Variants in PPFIA4 observed in about 807,000 individuals in gnomAD.
The protein encoded by PPFIA4 is PPFI scaffold protein A4.
A neutral mutation model predicts 145.7 loss-of-function variants in PPFIA4; 98 were observed. That is an observed-to-expected ratio of 0.67 (90% CI 0.57 to 0.80). PPFIA4 has a LOEUF of 0.80. Among genes scored for constraint, PPFIA4 ranks in the 30% least tolerant of loss-of-function variants. The pLI is 0.00. For synonymous variants in PPFIA4, 628 were observed against 649.6 expected, an observed-to-expected ratio of 0.97 and a Z score of 0.51; for missense variants, 1,457 against 1,632.7, an observed-to-expected ratio of 0.89 and a Z score of 1.85.
chr1:203,036,598 G>T (rs782801), intron 1 of PPFIA4, among the ~76,000 whole-genome samples: 2 of 152,016 alleles, frequency 1.3e-5, no homozygotes, highest in African/African-American at 4.8e-5. Flanking sequence ...GATGAGCTTG[G>T]GGGGGTAGGC....
chr1:203,073,698 G>T (rs1200798434), intron 28 of PPFIA4, among the ~76,000 whole-genome samples: 3 of 152,176 alleles, frequency 2.0e-5, no homozygotes, highest in Non-Finnish European at 4.4e-5. Context: ...GGACTCAAGG[G>T]AAATAAGGAA....
chr1:203,072,691 T>C (rs1317489890), intron 28 of PPFIA4, among the ~76,000 whole-genome samples: 1 of 152,138 alleles, frequency 6.6e-6, no homozygotes, highest in Non-Finnish European at 1.5e-5. Context: ...TGTTTCTTAG[T>C]AGGGTTTAAC....
In PPFIA4 at chr1:203,060,176, G is replaced by C; in HGVS notation, c.2584-41G>C. Reference sequence around the variant, plus strand: ...CTGTTGCCAAACTCTTGGTGGTAGGGCCCAGGCCTTGAATTACCTCCCTGT... The same window carrying C: ...CTGTTGCCAAACTCTTGGTGGTAGGCCCCAGGCCTTGAATTACCTCCCTGT... On this transcript the variant is annotated intron_variant, in intron 21 of 29. Transcript: ENST00000295706. This position sits in a 1 kb window ranked among gnomAD's most constrained non-coding sequence, Gnocchi z 4.8. 1 of 1,601,202 alleles carries C rather than the reference G, an allele frequency of 6.2e-7. No individual in the cohort carries two copies. The highest frequency in any genetic ancestry group is 8.5e-7 in the Non-Finnish European group (1 of 1,172,756).
rs1195564115 is a variant in PPFIA4, at chr1:203,048,573, G to A, written c.1225-10G>A. On this transcript the variant is annotated splice_polypyrimidine_tract_variant and intron_variant, in intron 10 of 29. Transcript: ENST00000295706. The surrounding 1 kb of genome is among the most constrained non-coding windows in gnomAD (Gnocchi z 5.8). Reference sequence around the variant, plus strand: ...GAGGGCGGCCTGGTGCGAGGCAGACGGCTGTGCAGGTGCGCCAGCGGGAAA... The same window carrying A: ...GAGGGCGGCCTGGTGCGAGGCAGACAGCTGTGCAGGTGCGCCAGCGGGAAA... The A allele has an allele frequency of 6.4e-7, 1 of 1,572,640 alleles. No individual in the cohort carries two copies. Among genetic ancestry groups the A allele is most frequent in the Non-Finnish European group, 8.6e-7 (1 of 1,160,248 alleles).
Position 203,075,552 on chromosome 1 carries a change from G to C in PPFIA4, c.3394-25G>C. The C allele has an allele frequency of 7.3e-7, 1 of 1,374,864 alleles. No individual in the cohort carries two copies. The highest frequency in any genetic ancestry group is 9.5e-7 in the Non-Finnish European group (1 of 1,056,596). 85.2% of individuals were successfully genotyped at this position (1,374,864 alleles called of 1,614,324 possible). A position where few individuals can be genotyped will look rare whatever the true frequency, so the allele number is the denominator to read the frequency against. The stretch of plus-strand genomic sequence containing the variant: ...ATGGCAATTCCAACAGGGCCCTCGG[G>C]CCTCTGGTGTCCCCCATGGTGCAGG... On this transcript the variant is annotated intron_variant, in intron 28 of 29. Coordinates refer to ENST00000295706, the MANE Select transcript of PPFIA4 (RefSeq NM_001304331.2). This position sits in a 1 kb window ranked among gnomAD's most constrained non-coding sequence, Gnocchi z 4.1.
intron 1 of PPFIA4, among the ~76,000 whole-genome samples, chr1:203,028,146 G>T (rs571071991): frequency 3.1e-4 from 47 of 152,306 alleles, no homozygotes; most frequent in Middle Eastern, 3.4e-3. Flanking sequence ...GCCATCTCTG[G>T]AAGATGGAAT....
Position 203,055,555 on chromosome 1 carries a change from C to T in PPFIA4, c.1953C>T (p.Thr651=), listed in dbSNP as rs1660878241. The stretch of plus-strand genomic sequence containing the variant: ...TGCGCAAGCGTGGTTCCATCCCCAC[C>T]TCTCTGACGGCCCTGTCCCTGGCCA... ...KQLRKRGSIP[T]SLTALSLASA... is the part of the protein sequence containing the mutation. Residue 651 remains threonine (T), a synonymous_variant, in exon 16 of 30, where the codon ACC becomes ACT. Coordinates refer to ENST00000295706, the MANE Select transcript of PPFIA4 (RefSeq NM_001304331.2). This position sits in a 1 kb window ranked among gnomAD's most constrained non-coding sequence, Gnocchi z 4.8. The T allele has an allele frequency of 4.3e-6, 7 of 1,614,046 alleles. No individual in the cohort carries two copies. In the Admixed American group the frequency reaches 8.3e-5, roughly 19 times the overall value.
chr1:203,076,244 C>T (rs1184483709), intron 29 of PPFIA4, 97 bp from the exon 30 acceptor site: 18 of 1,364,884 alleles, frequency 1.3e-5, no homozygotes, highest in East Asian at 2.3e-5. Flanking sequence ...GCTTGGAGCA[C>T]GCTGCGTTGC....
rs771146922 is a variant in PPFIA4, at chr1:203,048,674, A to G, written c.1316A>G (p.Gln439Arg). 4 of 1,609,938 alleles carry G rather than the reference A, an allele frequency of 2.5e-6. No individual in the cohort carries two copies. The highest frequency in any genetic ancestry group is 1.7e-5 in the Admixed American group (1 of 59,716). Reference sequence around the variant, plus strand: ...CTCAGCGAGTCCAACGAGCGTCTGCAGCTCCACCTGAAGGAGCGCATGGCT... The same window carrying G: ...CTCAGCGAGTCCAACGAGCGTCTGCGGCTCCACCTGAAGGAGCGCATGGCT... ...RLLSESNERL[Q>R]LHLKERMAAL... The change falls in exon 11 of 30, where the codon CAG becomes CGG. Residue 439 changes from glutamine to arginine, a missense_variant. Transcript: ENST00000295706. The surrounding 1 kb of genome is among the most constrained non-coding windows in gnomAD (Gnocchi z 5.8).
At chr1:203,067,627 G>A in intron 25 of PPFIA4, 68 bp from the exon 26 acceptor site, 1 of 1,355,100 alleles carries the variant, frequency 7.4e-7, no homozygotes. Context: ...GCTGATGCTG[G>A]ATGTGAGACA....
In PPFIA4 at chr1:203,060,273, T is replaced by C. The variant is rs747940690; in HGVS notation, c.2640T>C (p.Ser880=). ...CAGCCTGCCGGGCCAACGTCAAGAG[T>C]GGTGCCATCATGTCCGCTCTGTCGG... ...YVAACRANVK[S]GAIMSALSDT... is the part of the protein sequence containing the mutation. The change falls in exon 22 of 30, where the codon AGT becomes AGC. Residue 880 remains serine, a synonymous_variant. Transcript: ENST00000295706. The surrounding 1 kb of genome is among the most constrained non-coding windows in gnomAD (Gnocchi z 4.8). The C allele has an allele frequency of 1.9e-6, 3 of 1,613,796 alleles. No homozygotes were observed. Among genetic ancestry groups the C allele is most frequent in the Non-Finnish European group, 1.7e-6 (2 of 1,179,934 alleles).
chr1:203,053,432 C>G (rs1215756745), intron 14 of PPFIA4, among the ~76,000 whole-genome samples: 2 of 152,178 alleles, frequency 1.3e-5, no homozygotes, highest in Non-Finnish European at 2.9e-5. Flanking sequence ...ACTCGGGAGT[C>G]TGAGGCAGGA....
intron 2 of PPFIA4, among the ~76,000 whole-genome samples, chr1:203,042,675 C>T (rs1016028576): frequency 2.6e-5 from 4 of 152,300 alleles, no homozygotes; most frequent in South Asian, 2.1e-4. Context: ...CTCACCCTGT[C>T]GCCCAGGCTG....
chr1:203,038,740 G>A lies in PPFIA4; in HGVS notation c.-269G>A. 3.3e-6 allele frequency: 1 copy of A among 299,354 alleles called. No homozygotes were observed. Among genetic ancestry groups the A allele is most frequent in the South Asian group, 5.4e-5 (1 of 18,634 alleles). The allele number at this position is 299,354 out of a possible 1,614,324, so 18.5% of individuals were successfully genotyped here. ...CTGCCTGTCATGGCCACATTCGGCT[G>A]CTGTCTGCATGTCTGGGGACACAGG... is the stretch of plus-strand genomic sequence containing the variant. On this transcript the variant is annotated 5_prime_UTR_variant, in exon 2 of 30. Transcript: ENST00000295706.
intron 1 of PPFIA4, among the ~76,000 whole-genome samples, chr1:203,029,416 T>G (rs1449380416): frequency 6.6e-6 from 1 of 152,238 alleles, no homozygotes; most frequent in Non-Finnish European, 1.5e-5. Context: ...CTCCACGTGG[T>G]GCTCAGCACT....
chr1:203,064,042 G>A, intron 25 of PPFIA4, 39 bp downstream of exon 25: 1 of 1,594,006 alleles, frequency 6.3e-7, no homozygotes, highest in Non-Finnish European at 8.6e-7. Context: ...TCCCTCGTGG[G>A]GGCCTCCCCT....
chr1:203,039,045 CG>C lies in PPFIA4; in HGVS notation c.38del (p.Arg13ProfsTer17). The C allele has an allele frequency of 2.5e-6, 4 of 1,578,718 alleles. No homozygotes were observed. In the African/African-American group the frequency reaches 4.1e-5, roughly 16 times the overall value. Reference sequence around the variant, plus strand: ...GATGCCCACAATCAATGAGGGGGACCGCCTGGGTCCCCCTCATGGCGCCGAT... The same window carrying C: ...GATGCCCACAATCAATGAGGGGGACCCCTGGGTCCCCCTCATGGCGCCGAT... Reference protein sequence around the residue: ...EVMPTINEGDRLGPPHGADAD... With the variant: ...EVMPTINEGDXLGPPHGADAD... On this transcript the variant is annotated frameshift_variant, in exon 2 of 30. Transcript: ENST00000295706. LOFTEE classifies it high-confidence loss of function.
chr1:203,039,048 C>G lies in PPFIA4; in HGVS notation c.40C>G (p.Leu14Val), dbSNP rs747106399. The change falls in exon 2 of 30, where the codon CTG becomes GTG. Residue 14 changes from leucine (L) to valine (V), a missense_variant. This residue lies in a region of PPFIA4 where 463 missense variants were observed against 459.8 expected (regional missense o/e 1.01). Coordinates refer to ENST00000295706, the MANE Select transcript of PPFIA4 (RefSeq NM_001304331.2). ...GCCCACAATCAATGAGGGGGACCGC[C>G]TGGGTCCCCCTCATGGCGCCGATGC... ...VMPTINEGDR[L>V]GPPHGADADA... 1 of 1,579,580 alleles carries G rather than the reference C, an allele frequency of 6.3e-7. No individual in the cohort carries two copies. The highest frequency in any genetic ancestry group is 8.6e-7 in the Non-Finnish European group (1 of 1,157,932).
chr1:203,028,449 G>C (rs1658575302), intron 1 of PPFIA4, among the ~76,000 whole-genome samples: 1 of 152,212 alleles, frequency 6.6e-6, no homozygotes, highest in Admixed American at 6.5e-5. Flanking sequence ...TAGTCAGGCT[G>C]TGGTGGTGAT....
Sources: allele counts gnomAD v4.1 joint callset (sites outside exome capture counted in the v4.1 genomes callset), GRCh38; gene constraint gnomAD v4.1.1; regional missense constraint gnomAD v4.1.1; non-coding constraint Gnocchi (gnomAD v3.1); transcripts MANE v1.5; gene names NCBI Gene and HGNC (gene_info 2026-07-23, HGNC 2026-07-21).